ZNF790: variants seen among roughly 807,000 people sequenced by gnomAD.
The protein encoded by ZNF790 is zinc finger protein 790.
ZNF790 carries 8 observed loss-of-function variants against 12.1 expected under a neutral mutation model. The ratio of observed to expected loss-of-function variants is 0.66; its 90% CI spans 0.39 to 1.19. ZNF790 has a LOEUF of 1.19. Ranked by LOEUF, ZNF790 falls within the 50% of genes most tolerant of loss-of-function variation. ZNF790 has a pLI of 0.01. For missense variants in ZNF790, 707 were observed against 752.2 expected (o/e 0.94, Z 0.70); for synonymous variants, 252 against 244.3 (o/e 1.03, Z -0.29).
At chr19:36,825,195 C>T (rs942246456) in intron 2 of ZNF790, among the ~76,000 whole-genome samples, 1 of 152,134 alleles carries the variant, frequency 6.6e-6, no homozygotes, top group Non-Finnish European at 1.5e-5. Context: ...TGCCACATAC[C>T]TAAATGAATC....
intron 1 of ZNF790, among the ~76,000 whole-genome samples, chr19:36,828,674 G>C (rs1027188940): frequency 6.6e-6 from 1 of 152,056 alleles, no homozygotes; most frequent in African/African-American, 2.4e-5. Flanking sequence ...GACGGGGTCC[G>C]CTATGTTGCC....
chr19:36,838,586 A>G (rs1457969245), upstream of ZNF790, among the ~76,000 whole-genome samples: 1 of 152,186 alleles, frequency 6.6e-6, no homozygotes, highest in Non-Finnish European at 1.5e-5. This position sits in a 1 kb window ranked among gnomAD's most constrained non-coding sequence, Gnocchi z 4.4. Context: ...GAGCTTCCAG[A>G]ATTCCAGGCC....
At position 36,829,587 on chromosome 19, in the gene ZNF790, G is replaced by A. The variant is rs112949761; in HGVS notation, c.-73-3895C>T. 3.8e-3 allele frequency among the ~76,000 whole-genome samples: 575 copies of A among 152,292 alleles called. 4 individuals are homozygous for A. The highest frequency in any genetic ancestry group is 0.013 in the African/African-American group (557 of 41,554). ...TTTTGACAATTACTATTATTTTTGA[G>A]ATGAAGTTTCGCTCTTGTTGCCCAG... On this transcript the variant is annotated intron_variant, in intron 1 of 4. Transcript: ENST00000356725.
At chr19:36,826,877 T>G (rs1236134911) in intron 1 of ZNF790, among the ~76,000 whole-genome samples, 1 of 149,876 alleles carries the variant, frequency 6.7e-6, no homozygotes, top group Non-Finnish European at 1.5e-5. Context: ...GTACTTCAGC[T>G]GACTCTTGAG....
Position 36,823,358 on chromosome 19 carries a change from T to G in ZNF790, c.156A>C (p.Glu52Asp). 4 of 1,614,124 alleles carry G rather than the reference T, an allele frequency of 2.5e-6. No individual in the cohort carries two copies. The highest frequency in any genetic ancestry group is 3.4e-6 in the Non-Finnish European group (4 of 1,180,006). ...TCCCTTTCTCCAATAAAGAGAACGC[T>G]TCTGGCTGATAAATGCAAAAACCTG... ...VSLGFCIYQP[E>D]AFSLLEKGKE... Residue 52 changes from glutamate to aspartate, a missense_variant, in exon 4 of 5, where the codon GAA (glutamate) becomes GAC (aspartate). Transcript: ENST00000356725.
chr19:36,825,760 T>C, intron 1 of ZNF790, 68 bp from the exon 2 acceptor site: 1 of 923,454 alleles, frequency 1.1e-6, no homozygotes, highest in East Asian at 2.4e-5. Flanking sequence ...GGAAATGCCA[T>C]TTTCTTCCTT....
chr19:36,832,559 G>A (rs1044125463), intron 1 of ZNF790, among the ~76,000 whole-genome samples: 25 of 152,102 alleles, frequency 1.6e-4, no homozygotes, highest in African/African-American at 5.8e-4. Context: ...ATAGCCATGT[G>A]AGAGCCACGT....
Position 36,823,337 on chromosome 19 carries a change from T to C in ZNF790, c.177A>G (p.Lys59=), listed in dbSNP as rs2071717956. The C allele has an allele frequency of 2.5e-6, 4 of 1,614,132 alleles. No individual in the cohort carries two copies. The highest frequency in any genetic ancestry group is 1.7e-5 in the Admixed American group (1 of 60,014). Residue 59 remains lysine (K), a synonymous_variant, in exon 4 of 5, where the codon AAA becomes AAG. Transcript: ENST00000356725. ...YQPEAFSLLE[K]GKEPWKILRD... is the part of the protein sequence containing the mutation. ...TCAAAATCTTCCAGGGCTCTTTCCC[T>C]TTCTCCAATAAAGAGAACGCTTCTG...
Position 36,819,112 on chromosome 19 carries a change from C to T in ZNF790, c.1232G>A (p.Arg411Gln), listed in dbSNP as rs751797737. The change falls in exon 5 of 5, where the codon CGA (arginine) becomes CAA (glutamine). Residue 411 changes from arginine to glutamine, a missense_variant. Coordinates refer to ENST00000356725, the MANE Select transcript of ZNF790 (RefSeq NM_206894.4). ...CCTGCCAGTATGAATTCGCTGATGT[C>T]GAGCAAGGTGTGAGCTCCAAATATA... ...KAYIWSSHLA[R>Q]HQRIHTGRKP... 204 of 1,613,174 alleles carry T rather than the reference C, an allele frequency of 1.3e-4. No homozygotes were observed. The highest frequency in any genetic ancestry group is 1.6e-4 in the Non-Finnish European group (190 of 1,179,624).
chr19:36,823,898 G>T, intron 2 of ZNF790, 108 bp from the exon 3 acceptor site: 1 of 1,017,122 alleles, frequency 9.8e-7, no homozygotes, highest in Non-Finnish European at 1.3e-6. Context: ...AGGGAGTGGG[G>T]CATATATTGG....
chr19:36,819,051 A>G lies in ZNF790; in HGVS notation c.1293T>C (p.Phe431=). The G allele has an allele frequency of 6.2e-7, 1 of 1,614,076 alleles. No individual in the cohort carries two copies. The highest frequency in any genetic ancestry group is 8.5e-7 in the Non-Finnish European group (1 of 1,180,010). Reference sequence around the variant, plus strand: ...GTTGAGCAAGATACGAAGCCCAAGTAAAAGTCTTCCCGCATTGCTTACATT... The same window carrying G: ...GTTGAGCAAGATACGAAGCCCAAGTGAAAGTCTTCCCGCATTGCTTACATT... ...PYECKQCGKT[F]TWASYLAQHE... The change falls in exon 5 of 5, where the codon TTT becomes TTC. Residue 431 remains phenylalanine, a synonymous_variant. Transcript: ENST00000356725.
chr19:36,842,481 A>G (rs529183831), upstream of ZNF790, among the ~76,000 whole-genome samples: 1 of 152,240 alleles, frequency 6.6e-6, no homozygotes, highest in South Asian at 2.1e-4. Context: ...GAGACAGACA[A>G]AGGAAACATA....
intron 1 of ZNF790, among the ~76,000 whole-genome samples, chr19:36,829,932 T>G (rs888154081): frequency 2.0e-5 from 3 of 152,176 alleles, no homozygotes; most frequent in Non-Finnish European, 4.4e-5. Context: ...TATCATCTAT[T>G]TTGTAGTTTT....
chr19:36,826,578 T>C (rs2071804578), intron 1 of ZNF790, among the ~76,000 whole-genome samples: 1 of 123,584 alleles, frequency 8.1e-6, no homozygotes, highest in African/African-American at 3.1e-5. Context: ...CGAGACTCGG[T>C]CTCAAAAAAA....
At chr19:36,823,886 G>T in intron 2 of ZNF790, 96 bp from the exon 3 acceptor site, 5 of 1,168,764 alleles carry the variant, frequency 4.3e-6, no homozygotes, top group Non-Finnish European at 5.8e-6. Flanking sequence ...AAGGGGCACT[G>T]CAGGGAGTGG....
intron 1 of ZNF790, among the ~76,000 whole-genome samples, chr19:36,844,999 G>T (rs1030313914): frequency 1.2e-4 from 14 of 116,550 alleles, no homozygotes; most frequent in African/African-American, 4.1e-4. Flanking sequence ...AGTGAGCTGA[G>T]ATCCCGCCAC....
chr19:36,833,890 A>G (rs1234276285), intron 1 of ZNF790, among the ~76,000 whole-genome samples: 2 of 152,220 alleles, frequency 1.3e-5, no homozygotes, highest in Non-Finnish European at 2.9e-5. Context: ...AGTACAAACC[A>G]TAAAAGAAAA....
intron 1 of ZNF790, among the ~76,000 whole-genome samples, chr19:36,833,609 C>T (rs2071984604): frequency 6.6e-6 from 1 of 152,042 alleles, no homozygotes; most frequent in African/African-American, 2.4e-5. Context: ...AAAGATATAC[C>T]ATGCAAATCA....
At chr19:36,825,135 C>T (rs1444763729) in intron 2 of ZNF790, among the ~76,000 whole-genome samples, 1 of 152,180 alleles carries the variant, frequency 6.6e-6, no homozygotes, top group Non-Finnish European at 1.5e-5. Flanking sequence ...AATCCCAGAT[C>T]TCTTTGAACT....
Sources: gnomAD v4.1 joint callset for allele counts (sites outside exome capture counted in the v4.1 genomes callset) on GRCh38, gnomAD v4.1.1 for gene constraint, Gnocchi (gnomAD v3.1) non-coding constraint, MANE v1.5 for transcripts, NCBI Gene and HGNC (gene_info 2026-07-23, HGNC 2026-07-21) for gene names.